The following TKFC variants were observed in gnomAD, a reference collection of about 807,000 sequenced individuals.
TKFC encodes triokinase and FMN cyclase.
In TKFC, 46 loss-of-function variants were observed where a neutral mutation model predicts 61.0. The observed-to-expected ratio is 0.75, with a 90% CI of 0.60 to 0.96. The LOEUF (loss-of-function observed/expected upper bound fraction) is 0.96. Among genes scored for constraint, TKFC ranks in the 50% least tolerant of loss-of-function variants. TKFC has a pLI of 0.00. For synonymous variants in TKFC, 314 were observed against 330.1 expected, an observed-to-expected ratio of 0.95 and a Z score of 0.53; for missense variants, 715 against 777.5, an observed-to-expected ratio of 0.92 and a Z score of 0.96.
Position 61,341,928 on chromosome 11 carries a change from TC to T in TKFC, c.655+18del. 6.2e-7 allele frequency: 1 copy of T among 1,607,138 alleles called. No homozygotes were observed. The highest frequency in any genetic ancestry group is 8.5e-7 in the Non-Finnish European group (1 of 1,176,036). On this transcript the variant is annotated intron_variant, in intron 7 of 17. Transcript: ENST00000394900. ...CTGGGCCTGGGTAAGCTTGTGGCCA[TC>T]CATCCCAGCCCTGCCTGCTCCTTGG...
chr11:61,350,685 C>T (rs1857359988), downstream of TKFC: 1 of 597,878 alleles, frequency 1.7e-6, no homozygotes, highest in Admixed American at 3.0e-5. Context: ...AATCACACAC[C>T]CTTGTCACAG....
intron 1 of TKFC, chr11:61,334,403 C>A: frequency 6.2e-6 from 2 of 325,130 alleles, no homozygotes. Flanking sequence ...TAAAGGCAGA[C>A]CTGTGCTTGA....
chr11:61,338,148 G>A lies in TKFC; in HGVS notation c.193+18G>A, dbSNP rs2134994815. On this transcript the variant is annotated intron_variant, in intron 3 of 17. Coordinates refer to ENST00000394900, the MANE Select transcript of TKFC (RefSeq NM_015533.4). ...CCATGCTGGTGAGTATCCTGGGGTG[G>A]GGCAGGGGGTACTAGTGGAGTGGAC... is the stretch of plus-strand genomic sequence containing the variant. 6.4e-7 allele frequency: 1 copy of A among 1,559,802 alleles called. No individual in the cohort carries two copies. The highest frequency in any genetic ancestry group is 2.3e-5 in the East Asian group (1 of 43,936).
chr11:61,350,577 A>C, downstream of TKFC: 1 of 881,328 alleles, frequency 1.1e-6, no homozygotes, highest in Non-Finnish European at 1.8e-6. Context: ...CCTGGTACAC[A>C]CCCCGTCTCC....
chr11:61,339,195 A>T lies in TKFC; in HGVS notation c.304+19A>T. The T allele has an allele frequency of 6.2e-7, 1 of 1,612,832 alleles. No homozygotes were observed. Among genetic ancestry groups the T allele is most frequent in the South Asian group, 1.1e-5 (1 of 90,978 alleles). ...GGCACAGGTAAGCCTGGCATGCAGG[A>T]GGGGCTGCGGCAGGGAGGGCACAGT... On this transcript the variant is annotated intron_variant, in intron 4 of 17. Coordinates refer to ENST00000394900, the MANE Select transcript of TKFC (RefSeq NM_015533.4).
chr11:61,334,456 C>T (rs770274599), intron 1 of TKFC, 164 bp from the exon 2 acceptor site: 19 of 468,060 alleles, frequency 4.1e-5, no homozygotes, highest in Non-Finnish European at 6.3e-5. Flanking sequence ...CAGGCATGAA[C>T]CTTGGTCAGC....
rs538083197 is a variant in TKFC at position 61,343,448 on chromosome 11, G to A, written c.972G>A (p.Leu324=). 13 of 1,614,036 alleles carry A rather than the reference G, an allele frequency of 8.1e-6. No individual in the cohort carries two copies. The African/African-American group carries it at 1.6e-4, about 20-fold the overall frequency. The change falls in exon 11 of 18, where the codon CTG becomes CTA. Residue 324 remains leucine (L), a synonymous_variant. Transcript: ENST00000394900. ...LTLLLVDEPL[L]KLIDAETTAA... Reference sequence around the variant, plus strand: ...TCCTGCTGGTGGATGAGCCTCTCCTGAAACTGATAGGTGAGACTTGGAACC... The same window carrying A: ...TCCTGCTGGTGGATGAGCCTCTCCTAAAACTGATAGGTGAGACTTGGAACC...
intron 3 of TKFC, among the ~76,000 whole-genome samples, chr11:61,338,684 T>G (rs150201845): frequency 1.3e-5 from 2 of 152,326 alleles, no homozygotes; most frequent in Non-Finnish European, 2.9e-5. Flanking sequence ...TACTGGGCAC[T>G]AGGGATACCA....
At chr11:61,334,494 T>G (rs185879332) in intron 1 of TKFC, 126 bp from the exon 2 acceptor site, 21 of 536,970 alleles carry the variant, frequency 3.9e-5, no homozygotes, top group African/African-American at 3.4e-4. Flanking sequence ...CCGTAGCCCA[T>G]GTACTAGAGT....
intron 2 of TKFC, chr11:61,335,466 C>T (rs1485323004): frequency 6.6e-6 from 1 of 152,396 alleles, no homozygotes; most frequent in African/African-American, 2.4e-5. Context: ...TGATGGGGAG[C>T]AGGCCACTTT....
At chr11:61,336,914 A>G (rs576834054) in intron 2 of TKFC, among the ~76,000 whole-genome samples, 2 of 151,900 alleles carry the variant, frequency 1.3e-5, no homozygotes, top group Non-Finnish European at 2.9e-5. Context: ...GCCTTGGCTT[A>G]TGCTCCCCCT....
In TKFC at chr11:61,345,866, C is replaced by T. The variant is rs1857097538; in HGVS notation, c.1495C>T (p.Leu499=). The change falls in exon 17 of 18, where the codon CTG becomes TTG. Residue 499 remains leucine (L), a synonymous_variant. Transcript: ENST00000394900. The part of the protein sequence containing the change: ...APGDRTMLDS[L]WAAGQELQAW... Reference sequence around the variant, plus strand: ...CCTTCACCTTGTCCAGCTGGATTCTCTGTGGGCAGCGGGGCAGGAGCTCCA... The same window carrying T: ...CCTTCACCTTGTCCAGCTGGATTCTTTGTGGGCAGCGGGGCAGGAGCTCCA... The T allele has an allele frequency of 5.0e-6, 8 of 1,614,132 alleles. No individual in the cohort carries two copies. The highest frequency in any genetic ancestry group is 6.8e-6 in the Non-Finnish European group (8 of 1,180,030).
chr11:61,344,834 G>A (rs1335146659), intron 13 of TKFC, among the ~76,000 whole-genome samples: 2 of 152,164 alleles, frequency 1.3e-5, no homozygotes, highest in Non-Finnish European at 2.9e-5. Flanking sequence ...TCATTCATTC[G>A]AGAAAAAGGT....
chr11:61,344,173 G>A lies in TKFC; in HGVS notation c.1140G>A (p.Arg380=). 6.2e-7 allele frequency: 1 copy of A among 1,612,400 alleles called. No homozygotes were observed. Among genetic ancestry groups the A allele is most frequent in the Non-Finnish European group, 8.5e-7 (1 of 1,179,992 alleles). The change falls in exon 13 of 18, where the codon CGG becomes CGA. Residue 380 remains arginine, a synonymous_variant. Coordinates refer to ENST00000394900, the MANE Select transcript of TKFC (RefSeq NM_015533.4). ...ASKRMALVLE[R]VCSTLLGLEE... is the part of the protein sequence containing the mutation. Reference sequence around the variant, plus strand: ...AGCGGATGGCGCTGGTGCTGGAACGGGTGTGCAGCACTCTCCTGGGCCTGG... The same window carrying A: ...AGCGGATGGCGCTGGTGCTGGAACGAGTGTGCAGCACTCTCCTGGGCCTGG...
rs145970709 is a variant in TKFC, at chr11:61,345,998, A to G, written c.1575+52A>G. On this transcript the variant is annotated intron_variant, in intron 17 of 17. Transcript: ENST00000394900. Reference sequence around the variant, plus strand: ...GGGGAGACAGGCTTCTAGCCAGCAGACTCCTGTCTCCATGTGACCCTGAGC... The same window carrying G: ...GGGGAGACAGGCTTCTAGCCAGCAGGCTCCTGTCTCCATGTGACCCTGAGC... 5 of 1,570,870 alleles carry G rather than the reference A, an allele frequency of 3.2e-6. No homozygotes were observed. The South Asian group carries it at 5.6e-5, about 17-fold the overall frequency.
At chr11:61,351,000 G>C, downstream of TKFC, 14 of 1,613,352 alleles carry the variant, frequency 8.7e-6, no homozygotes, top group African/African-American at 1.3e-5. Context: ...CCTGTCTGTC[G>C]GTCAGGATCC....
Position 61,347,354 on chromosome 11 carries a change from C to A in TKFC, c.*851C>A. 3 of 903,548 alleles carry A rather than the reference C, an allele frequency of 3.3e-6. No individual in the cohort carries two copies. The highest frequency in any genetic ancestry group is 4.0e-6 in the Non-Finnish European group (3 of 755,466). 56.0% of individuals were successfully genotyped at this position (903,548 alleles called of 1,614,324 possible). ...CTCAGGAGTTCAAGACCAGTCTGGG[C>A]AACATGGTAAAACCCTGTCTCTACC... On this transcript the variant is annotated 3_prime_UTR_variant, in exon 18 of 18. Coordinates refer to ENST00000394900, the MANE Select transcript of TKFC (RefSeq NM_015533.4).
intron 13 of TKFC, among the ~76,000 whole-genome samples, 189 bp from the exon 14 acceptor site, chr11:61,345,071 C>A (rs556276360): frequency 3.9e-5 from 6 of 152,322 alleles, no homozygotes; most frequent in Admixed American, 3.9e-4. Flanking sequence ...CAGGCCTCAC[C>A]TCCCCAGGCC....
At chr11:61,343,727 C>T (rs962848751) in intron 11 of TKFC, 129 bp from the exon 12 acceptor site, 8 of 1,345,812 alleles carry the variant, frequency 5.9e-6, no homozygotes, top group Non-Finnish European at 7.1e-6. Context: ...CCATGCTTGT[C>T]GAGGTGGACT....
Sources: gnomAD v4.1 joint callset for allele counts (sites outside exome capture counted in the v4.1 genomes callset) on GRCh38, gnomAD v4.1.1 for gene constraint, MANE v1.5 for transcripts, NCBI Gene and HGNC (gene_info 2026-07-23, HGNC 2026-07-21) for gene names.